ARPIN: variants seen among roughly 807,000 people sequenced by gnomAD.
The protein encoded by ARPIN is UPF0552 protein C15orf38.
In ARPIN, 23 loss-of-function variants were observed where a neutral mutation model predicts 25.9. That is an observed-to-expected ratio of 0.89 (90% CI 0.64 to 1.26). ARPIN has a LOEUF of 1.26. Among genes scored for constraint, ARPIN ranks in the 50% most tolerant of loss-of-function variants. ARPIN has a pLI of 0.00. For synonymous variants in ARPIN, 126 were observed against 131.4 expected, an observed-to-expected ratio of 0.96 and a Z score of 0.28; for missense variants, 333 against 312.2, an observed-to-expected ratio of 1.07 and a Z score of -0.50.
At chr15:89,902,996 G>C (rs1596232797) in intron 5 of ARPIN, 1 of 1,438,116 alleles carries the variant, frequency 7.0e-7, no homozygotes, top group African/African-American at 1.4e-5. Flanking sequence ...TTGGGGAATA[G>C]TTAGGTTCAG....
At position 89,912,780 on chromosome 15, in the gene ARPIN, CG is replaced by C; in HGVS notation, c.55del (p.Arg19GlyfsTer23). 6.6e-7 allele frequency: 1 copy of C among 1,510,712 alleles called. No homozygotes were observed. Among genetic ancestry groups the C allele is most frequent in the South Asian group, 1.2e-5 (1 of 80,476 alleles). The allele number at this position is 1,510,712 out of a possible 1,614,324, so 93.6% of individuals were successfully genotyped here. On this transcript the variant is annotated frameshift_variant, in exon 1 of 6. Coordinates refer to ENST00000357484, the MANE Select transcript of ARPIN (RefSeq NM_182616.4). LOFTEE classifies it high-confidence loss of function. The part of the protein sequence containing the change: ...ALRNKAVQSV[R>X]LPGAWDPAAH... ...GGCGGGGTCCCAGGCCCCTGGCAGC[CG>C]GACGCTCTGCACCGCCTTGTTCCGG...
rs1449272880 is a variant in ARPIN at position 89,900,823 on chromosome 15, C to T, written c.*972G>A. 6.6e-6 allele frequency: 1 copy of T among 152,138 alleles called. No homozygotes were observed. Among genetic ancestry groups the T allele is most frequent in the Non-Finnish European group, 1.5e-5 (1 of 68,030 alleles). 9.4% of individuals were successfully genotyped at this position (152,138 alleles called of 1,614,324 possible). Reference sequence around the variant, plus strand: ...GCTTCCTTCTCATAGGAACATTGCTCAGCTGAAAGGCCGTTTACACCTGAC... The same window carrying T: ...GCTTCCTTCTCATAGGAACATTGCTTAGCTGAAAGGCCGTTTACACCTGAC... On this transcript the variant is annotated 3_prime_UTR_variant, in exon 6 of 6. Transcript: ENST00000357484.
In ARPIN at chr15:89,908,333, G is replaced by T; in HGVS notation, c.248C>A (p.Pro83His). 1 of 1,614,194 alleles carries T rather than the reference G, an allele frequency of 6.2e-7. No individual in the cohort carries two copies. Among genetic ancestry groups the T allele is most frequent in the Non-Finnish European group, 8.5e-7 (1 of 1,180,034 alleles). The change falls in exon 3 of 6, where the codon CCC becomes CAC. Residue 83 changes from proline to histidine, a missense_variant. Pro to His is a moderately conservative substitution (Grantham distance 77). Coordinates refer to ENST00000357484, the MANE Select transcript of ARPIN (RefSeq NM_182616.4). ...KFDAKGNEIE[P>H]NFSATRKVNT... is the part of the protein sequence containing the mutation. ...CACCTTCCTGGTGGCGCTGAAGTTG[G>T]GCTCGATTTCATTTCCCTTGGCGTC... is the stretch of plus-strand genomic sequence containing the variant.
chr15:89,908,956 C>G (rs897471335), intron 2 of ARPIN, among the ~76,000 whole-genome samples: 1 of 152,074 alleles, frequency 6.6e-6, no homozygotes, highest in Non-Finnish European at 1.5e-5. Context: ...GTACTCCAGC[C>G]GGGGAGACAG....
In ARPIN at chr15:89,897,016, T is replaced by A. The variant is rs1390694501; in HGVS notation, c.*4779A>T. The A allele has an allele frequency of 1.3e-5, 2 of 152,226 alleles. No individual in the cohort carries two copies. Among genetic ancestry groups the A allele is most frequent in the Non-Finnish European group, 2.9e-5 (2 of 68,038 alleles). 9.4% of individuals were successfully genotyped at this position (152,226 alleles called of 1,614,324 possible). On this transcript the variant is annotated 3_prime_UTR_variant, in exon 6 of 6. Coordinates refer to ENST00000357484, the MANE Select transcript of ARPIN (RefSeq NM_182616.4). ...TCTAGATTCTCAGTAATATGACTCC[T>A]GGGCATCTGTTCCTAAAGAAATAAC...
In ARPIN at chr15:89,899,878, C is replaced by G. The variant is rs1271974972; in HGVS notation, c.*1917G>C. On this transcript the variant is annotated 3_prime_UTR_variant, in exon 6 of 6. Coordinates refer to ENST00000357484, the MANE Select transcript of ARPIN (RefSeq NM_182616.4). The stretch of plus-strand genomic sequence containing the variant: ...CAATCTCCAGCCTCATCTCAAACAC[C>G]AGCCCCCATTCTCTGAGCTCCAGAC... 1 of 152,344 alleles carries G rather than the reference C, an allele frequency of 6.6e-6. No individual in the cohort carries two copies. The highest frequency in any genetic ancestry group is 1.5e-5 in the Non-Finnish European group (1 of 68,112). 9.4% of individuals were successfully genotyped at this position (152,344 alleles called of 1,614,324 possible).
In ARPIN at chr15:89,899,969, C is replaced by G. The variant is rs1896992560; in HGVS notation, c.*1826G>C. On this transcript the variant is annotated 3_prime_UTR_variant, in exon 6 of 6. Coordinates refer to ENST00000357484, the MANE Select transcript of ARPIN (RefSeq NM_182616.4). ...CGCCCTTTTTGTTGCTTTAGGACCT[C>G]TCCTATTGACACACTGGGCCTCCTT... 1 of 152,424 alleles carries G rather than the reference C, an allele frequency of 6.6e-6. No homozygotes were observed. The highest frequency in any genetic ancestry group is 2.1e-4 in the South Asian group (1 of 4,836). 9.4% of individuals were successfully genotyped at this position (152,424 alleles called of 1,614,324 possible). A position where few individuals can be genotyped will look rare whatever the true frequency, so the allele number is the denominator to read the frequency against.
At position 89,900,677 on chromosome 15, in the gene ARPIN, T is replaced by C. The variant is rs938359693; in HGVS notation, c.*1118A>G. ...CACCACCACCCTCTCTTTTCCCAAG[T>C]CAAGCAAGATCCACATGCCACCAAG... On this transcript the variant is annotated 3_prime_UTR_variant, in exon 6 of 6. Coordinates refer to ENST00000357484, the MANE Select transcript of ARPIN (RefSeq NM_182616.4). 1 of 152,160 alleles carries C rather than the reference T, an allele frequency of 6.6e-6. No homozygotes were observed. The highest frequency in any genetic ancestry group is 2.4e-5 in the African/African-American group (1 of 41,410). 9.4% of individuals were successfully genotyped at this position (152,160 alleles called of 1,614,324 possible).
In ARPIN at chr15:89,895,820, T is replaced by C. The variant is rs1431303644; in HGVS notation, c.*5975A>G. On this transcript the variant is annotated 3_prime_UTR_variant, in exon 6 of 6. Transcript: ENST00000357484. ...ATACCTCACTGTAACCTCAAACTGC[T>C]GGCCTCAGGCAATCCTCCAGCCTCA... is the stretch of plus-strand genomic sequence containing the variant. 1 of 152,394 alleles carries C rather than the reference T, an allele frequency of 6.6e-6. No homozygotes were observed. The highest frequency in any genetic ancestry group is 1.5e-5 in the Non-Finnish European group (1 of 68,178). 9.4% of individuals were successfully genotyped at this position (152,394 alleles called of 1,614,324 possible). A position where few individuals can be genotyped will look rare whatever the true frequency, so the allele number is the denominator to read the frequency against.
At chr15:89,909,826 G>A (rs1178564056) in intron 2 of ARPIN, among the ~76,000 whole-genome samples, 1 of 152,198 alleles carries the variant, frequency 6.6e-6, no homozygotes, top group Non-Finnish European at 1.5e-5. Context: ...GCCTGGCATT[G>A]CTTACCTGGG....
At chr15:89,910,909 G>T (rs553430611) in intron 1 of ARPIN, 90 bp from the exon 2 acceptor site, 54 of 1,190,436 alleles carry the variant, frequency 4.5e-5, no homozygotes, top group Non-Finnish European at 5.8e-5. Context: ...CCCTGAGAAG[G>T]CTGGGTACTG....
chr15:89,909,567 T>G (rs1897187542), intron 2 of ARPIN, among the ~76,000 whole-genome samples: 1 of 152,172 alleles, frequency 6.6e-6, no homozygotes, highest in Non-Finnish European at 1.5e-5. Context: ...GTTTGGATTT[T>G]ATTTGATGGA....
At chr15:89,909,793 G>A (rs1418933267) in intron 2 of ARPIN, among the ~76,000 whole-genome samples, 1 of 152,218 alleles carries the variant, frequency 6.6e-6, no homozygotes, top group Non-Finnish European at 1.5e-5. Flanking sequence ...GGGAGGAATG[G>A]GCAAGGGCCC....
intron 5 of ARPIN, among the ~76,000 whole-genome samples, chr15:89,902,386 C>T (rs569641406): frequency 6.6e-6 from 1 of 151,862 alleles, no homozygotes; most frequent in East Asian, 1.9e-4. Flanking sequence ...CCAGCCTGGG[C>T]AATAAGAGTG....
chr15:89,901,796 C>T lies in ARPIN; in HGVS notation c.680G>A (p.Ter227=). 6.2e-7 allele frequency: 1 copy of T among 1,614,032 alleles called. No homozygotes were observed. ...TGCCCCCAGAGGCAGCCACGTCCCT[C>T]AGTCATCCTAGAGAAATCCAAGGGG... ...DGAEDEEWDD[*] The change falls in exon 6 of 6, where the codon TGA becomes TAA. Residue 227 remains the stop codon, a stop_retained_variant. Coordinates refer to ENST00000357484, the MANE Select transcript of ARPIN (RefSeq NM_182616.4).
rs117661777 is a variant in ARPIN, at chr15:89,903,406, C to T, written c.509-27G>A. 198 of 1,613,566 alleles carry T rather than the reference C, an allele frequency of 1.2e-4. 1 individual carries two copies. In the East Asian group the frequency reaches 4.4e-3, roughly 36 times the overall value. On this transcript the variant is annotated intron_variant, in intron 4 of 5. Transcript: ENST00000357484. ...TGAAAGAAGAGATGAAATTGAATGT[C>T]CTCTGTCCCTGTGGCAGAAACATAG...
Position 89,900,712 on chromosome 15 carries a change from C to G in ARPIN, c.*1083G>C, listed in dbSNP as rs1253999381. 6.6e-6 allele frequency: 1 copy of G among 152,232 alleles called. No homozygotes were observed. The highest frequency in any genetic ancestry group is 6.5e-5 in the Admixed American group (1 of 15,284). 9.4% of individuals were successfully genotyped at this position (152,232 alleles called of 1,614,324 possible). ...TCCACATGCCACCAAGTCCTGACGA[C>G]ATGGAGACTTCAATTCCAGGTCTCT... On this transcript the variant is annotated 3_prime_UTR_variant, in exon 6 of 6. Transcript: ENST00000357484.
Position 89,908,428 on chromosome 15 carries a change from C to T in ARPIN, c.169-16G>A. 4.3e-6 allele frequency: 7 copies of T among 1,613,070 alleles called. No homozygotes were observed. Among genetic ancestry groups the T allele is most frequent in the Non-Finnish European group, 5.9e-6 (7 of 1,179,674 alleles). ...AGTAGCGCTCCTGGGGCCAGGCAGA[C>T]AGAGAGTGAGGGGGCGGCTTCATCC... On this transcript the variant is annotated splice_polypyrimidine_tract_variant and intron_variant, in intron 2 of 5. Transcript: ENST00000357484.
At chr15:89,906,838 G>T (rs1046875032) in intron 3 of ARPIN, among the ~76,000 whole-genome samples, 1 of 151,848 alleles carries the variant, frequency 6.6e-6, no homozygotes, top group Non-Finnish European at 1.5e-5. Context: ...CCCAAAATTC[G>T]TACGTTAACA....
Sources: gnomAD v4.1 joint callset for allele counts (sites outside exome capture counted in the v4.1 genomes callset) on GRCh38, gnomAD v4.1.1 for gene constraint, MANE v1.5 for transcripts, NCBI Gene and HGNC (gene_info 2026-07-23, HGNC 2026-07-21) for gene names.